PLEKHM3: variants seen among roughly 807,000 people sequenced by gnomAD.
PLEKHM3 encodes pleckstrin homology domain-containing family M member 3.
PLEKHM3 carries 45 observed loss-of-function variants against 81.8 expected under a neutral mutation model. The observed-to-expected ratio is 0.55, with a 90% confidence interval of 0.43 to 0.71. PLEKHM3 has a LOEUF of 0.71. Among genes scored for constraint, PLEKHM3 ranks in the 30% least tolerant of loss-of-function variants. PLEKHM3 has a pLI of 0.00. For missense variants in PLEKHM3, 788 were observed against 924.3 expected, an observed-to-expected ratio of 0.85 and a Z score of 1.91; for synonymous variants, 352 against 356.4, an observed-to-expected ratio of 0.99 and a Z score of 0.14.
At chr2:207,915,574 G>A (rs767529554) in intron 5 of PLEKHM3, among the ~76,000 whole-genome samples, 10 of 151,986 alleles carry the variant, frequency 6.6e-5, no homozygotes, top group Non-Finnish European at 1.5e-4. Flanking sequence ...ATGCACAACC[G>A]GCATTTAAAG....
intron 7 of PLEKHM3, among the ~76,000 whole-genome samples, chr2:207,845,987 A>G (rs888048787): frequency 6.6e-6 from 1 of 152,206 alleles, no homozygotes; most frequent in Non-Finnish European, 1.5e-5. Flanking sequence ...TGAGCAATGG[A>G]GCAGAAGCAA....
intron 3 of PLEKHM3, among the ~76,000 whole-genome samples, chr2:207,967,090 C>T (rs1375558086): frequency 6.6e-6 from 1 of 152,120 alleles, no homozygotes; most frequent in Non-Finnish European, 1.5e-5. Context: ...CTCAAATAAT[C>T]CTTTTACCTC....
chr2:207,954,342 C>T (rs144461281), intron 3 of PLEKHM3, among the ~76,000 whole-genome samples: 67 of 152,206 alleles, frequency 4.4e-4, no homozygotes, highest in African/African-American at 1.5e-3. Context: ...AGTGACAGAA[C>T]GAGACCCTGT....
At chr2:207,853,118 C>T (rs2092421114) in intron 7 of PLEKHM3, among the ~76,000 whole-genome samples, 1 of 152,172 alleles carries the variant, frequency 6.6e-6, no homozygotes, top group African/African-American at 2.4e-5. Context: ...GCCCAATGCA[C>T]ACACATGGTA....
At chr2:207,898,196 T>G (rs1449593978) in intron 6 of PLEKHM3, among the ~76,000 whole-genome samples, 1 of 152,202 alleles carries the variant, frequency 6.6e-6, no homozygotes, top group Non-Finnish European at 1.5e-5. Flanking sequence ...GTGGCTGTGT[T>G]TTGTTTGGCC....
At chr2:207,921,266 CT>C (rs1399713056) in intron 5 of PLEKHM3, among the ~76,000 whole-genome samples, 9 of 152,182 alleles carry the variant, frequency 5.9e-5, no homozygotes, top group Non-Finnish European at 1.3e-4. Context: ...CCAGGATGTT[CT>C]CAATCTCTTG....
chr2:207,934,956 G>T (rs918011778), intron 4 of PLEKHM3, among the ~76,000 whole-genome samples: 1 of 152,188 alleles, frequency 6.6e-6, no homozygotes, highest in African/African-American at 2.4e-5. Flanking sequence ...ATAACGTAAT[G>T]GGGCAAAGGG....
chr2:208,017,884 T>C (rs1692977745), intron 1 of PLEKHM3, among the ~76,000 whole-genome samples: 1 of 152,174 alleles, frequency 6.6e-6, no homozygotes, highest in South Asian at 2.1e-4. Context: ...TCACAGATGC[T>C]CTCTCCTGGT....
chr2:207,841,256 G>A (rs2092349794), intron 7 of PLEKHM3, among the ~76,000 whole-genome samples: 1 of 150,650 alleles, frequency 6.6e-6, no homozygotes, highest in Admixed American at 6.6e-5. Context: ...CACGAGGTCA[G>A]GGGTTCAAGA....
intron 7 of PLEKHM3, among the ~76,000 whole-genome samples, chr2:207,842,582 TGAAGGAGGGAA>T (rs112863232): frequency 0.056 from 8,550 of 152,198 alleles, 573 homozygotes; most frequent in African/African-American, 0.16. Flanking sequence ...ATATTAACAT[TGAAGGAGGGAA>T]GAAGGAGGGA....
intron 6 of PLEKHM3, among the ~76,000 whole-genome samples, chr2:207,874,341 G>C (rs932695628): frequency 1.3e-5 from 2 of 152,234 alleles, no homozygotes; most frequent in East Asian, 3.9e-4. Context: ...TTGGGAGGCC[G>C]AGGTGGGCGG....
Position 208,001,886 on chromosome 2 carries a change from T to C in PLEKHM3, c.-247A>G, listed in dbSNP as rs1241730541. 25 of 510,096 alleles carry C rather than the reference T, an allele frequency of 4.9e-5. No homozygotes were observed. The highest frequency in any genetic ancestry group is 4.0e-4 in the South Asian group (14 of 35,312). The allele number at this position is 510,096 out of a possible 1,614,324, so 31.6% of individuals were successfully genotyped here. On this transcript the variant is annotated 5_prime_UTR_variant, in exon 2 of 8. Coordinates refer to ENST00000427836, the MANE Select transcript of PLEKHM3 (RefSeq NM_001080475.3). ...GAGACCAAATGTTCCTTTGAGATTA[T>C]TCTTCAGTGAGACCTCTGTGAAGAC... is the stretch of plus-strand genomic sequence containing the variant.
intron 1 of PLEKHM3, among the ~76,000 whole-genome samples, chr2:208,010,028 C>T (rs1692637779): frequency 6.6e-6 from 1 of 152,200 alleles, no homozygotes; most frequent in Admixed American, 6.5e-5. Context: ...AACCAAAGCA[C>T]CTATGCATTA....
At chr2:207,947,576 A>G (rs919201005) in intron 3 of PLEKHM3, among the ~76,000 whole-genome samples, 4 of 152,266 alleles carry the variant, frequency 2.6e-5, no homozygotes, top group African/African-American at 7.2e-5. Flanking sequence ...TTTCTGGTCT[A>G]CAGCTTTCAT....
At chr2:207,946,105 CCTCT>C (rs1690118350) in intron 4 of PLEKHM3, among the ~76,000 whole-genome samples, 1 of 152,054 alleles carries the variant, frequency 6.6e-6, no homozygotes, top group African/African-American at 2.4e-5. Context: ...AAAAGAGGCT[CCTCT>C]CTCTCAGAAT....
chr2:207,891,461 C>G (rs73983627), intron 6 of PLEKHM3, among the ~76,000 whole-genome samples: 2 of 152,140 alleles, frequency 1.3e-5, no homozygotes, highest in Non-Finnish European at 2.9e-5. Flanking sequence ...GGTCACACAG[C>G]AGGTAAGGGG....
intron 7 of PLEKHM3, among the ~76,000 whole-genome samples, chr2:207,849,930 A>T (rs1364398980): frequency 1.3e-5 from 2 of 152,146 alleles, no homozygotes; most frequent in East Asian, 1.9e-4. Flanking sequence ...ACATTTTTTT[A>T]AAAGTTTATT....
At chr2:207,910,035 G>C (rs548543209) in intron 5 of PLEKHM3, among the ~76,000 whole-genome samples, 1 of 152,196 alleles carries the variant, frequency 6.6e-6, no homozygotes, top group African/African-American at 2.4e-5. Flanking sequence ...ACCTCTCCCG[G>C]AAAGTAGGAA....
At chr2:207,854,833 G>A (rs1038199478) in intron 7 of PLEKHM3, among the ~76,000 whole-genome samples, 9 of 152,198 alleles carry the variant, frequency 5.9e-5, no homozygotes, top group African/African-American at 2.2e-4. Context: ...ATGCTAATGT[G>A]GTTATTTTGG....
Sources: allele counts gnomAD v4.1 joint callset (sites outside exome capture counted in the v4.1 genomes callset), GRCh38; gene constraint gnomAD v4.1.1; transcripts MANE v1.5; gene names NCBI Gene and HGNC (gene_info 2026-07-23, HGNC 2026-07-21).